Variants in MDGA2 observed in about 807,000 individuals in gnomAD.
MDGA2 encodes the protein MAM domain containing glycosylphosphatidylinositol anchor 2.
In MDGA2, 40 loss-of-function variants were observed where a neutral mutation model predicts 117.8. The ratio of observed to expected loss-of-function variants is 0.34; its 90% CI spans 0.26 to 0.44. The LOEUF (loss-of-function observed/expected upper bound fraction) is 0.44. MDGA2 is among the 20% of genes least tolerant of loss of function. MDGA2 has a pLI of 1.00. For synonymous variants in MDGA2, 452 were observed against 439.0 expected (o/e 1.03, Z -0.37); for missense variants, 1,123 against 1,250.6 (o/e 0.90, Z 1.54).
At chr14:47,059,035 T>C (rs1889784429) in intron 7 of MDGA2, 11 of 1,004,426 alleles carry the variant, frequency 1.1e-5, no homozygotes, top group Non-Finnish European at 1.3e-5. Context: ...TATAAATTTG[T>C]CTATCAAATA....
chr14:47,604,493 C>A (rs530459634), intron 1 of MDGA2, among the ~76,000 whole-genome samples: 2 of 130,836 alleles, frequency 1.5e-5, no homozygotes, highest in South Asian at 5.9e-4. Flanking sequence ...CCCCACCCCC[C>A]CCCACCCTCA....
intron 1 of MDGA2, among the ~76,000 whole-genome samples, chr14:47,418,333 G>A (rs925725246): frequency 2.6e-5 from 4 of 151,720 alleles, no homozygotes; most frequent in South Asian, 2.1e-4. Flanking sequence ...TGATCTGCCC[G>A]CCTTGGCCTC....
intron 1 of MDGA2, among the ~76,000 whole-genome samples, chr14:47,515,281 A>G (rs1894727488): frequency 6.6e-6 from 1 of 152,194 alleles, no homozygotes; most frequent in East Asian, 1.9e-4. Flanking sequence ...CCCTGGCAAC[A>G]TCACAGTAAT....
chr14:47,558,350 GT>G (rs1190019696), intron 1 of MDGA2, among the ~76,000 whole-genome samples: 1 of 152,148 alleles, frequency 6.6e-6, no homozygotes, highest in African/African-American at 2.4e-5. Context: ...TATAATGCTA[GT>G]TTTGATTTTA....
At chr14:47,654,477 G>T (rs1326891376) in intron 1 of MDGA2, among the ~76,000 whole-genome samples, 1 of 152,068 alleles carries the variant, frequency 6.6e-6, no homozygotes, top group Non-Finnish European at 1.5e-5. Context: ...ACAACTGGCT[G>T]AAGTGCTAAC....
chr14:46,895,850 C>G (rs1187332938), intron 10 of MDGA2, among the ~76,000 whole-genome samples: 1 of 152,068 alleles, frequency 6.6e-6, no homozygotes. Flanking sequence ...TCTGCAATGC[C>G]GCCTGTCCCT....
At chr14:46,906,972 C>CTTTTTT (rs372756942) in intron 10 of MDGA2, among the ~76,000 whole-genome samples, 349 of 99,518 alleles carry the variant, frequency 3.5e-3, no homozygotes, top group Non-Finnish European at 5.3e-3. Context: ...TTACCTTTTT[C>CTTTTTT]TTTTTTTTTT....
intron 1 of MDGA2, among the ~76,000 whole-genome samples, chr14:47,557,542 C>T (rs920468977): frequency 6.6e-6 from 1 of 152,148 alleles, no homozygotes; most frequent in African/African-American, 2.4e-5. Context: ...AGATTTCCAA[C>T]ATCTGGTAGG....
intron 9 of MDGA2, among the ~76,000 whole-genome samples, chr14:46,945,866 T>A (rs1041114825): frequency 1.3e-5 from 2 of 152,000 alleles, no homozygotes. Context: ...GCTGGCTCCA[T>A]TAGTATTTTC....
At chr14:47,253,016 T>A (rs772071002) in intron 2 of MDGA2, among the ~76,000 whole-genome samples, 4 of 152,122 alleles carry the variant, frequency 2.6e-5, no homozygotes, top group Admixed American at 6.5e-5. Context: ...TTATAAAGCA[T>A]CAGATCTCAA....
At chr14:47,596,981 A>G (rs946736980) in intron 1 of MDGA2, among the ~76,000 whole-genome samples, 2 of 152,166 alleles carry the variant, frequency 1.3e-5, no homozygotes, top group Non-Finnish European at 2.9e-5. Context: ...CAGTAGCTAA[A>G]TAAAATCAAG....
intron 2 of MDGA2, among the ~76,000 whole-genome samples, chr14:47,226,398 G>GTT (rs1302022829): frequency 2.0e-5 from 3 of 152,072 alleles, no homozygotes; most frequent in African/African-American, 7.2e-5. Flanking sequence ...TAATATTTCT[G>GTT]AACACTAGAT....
At chr14:46,864,928 C>T (rs1881685308) in intron 14 of MDGA2, among the ~76,000 whole-genome samples, 1 of 151,970 alleles carries the variant, frequency 6.6e-6, no homozygotes, top group Non-Finnish European at 1.5e-5. Flanking sequence ...ATTTATTCCA[C>T]TGAGATTCTC....
chr14:47,190,377 A>G, intron 3 of MDGA2, among the ~76,000 whole-genome samples: 1 of 152,224 alleles, frequency 6.6e-6, no homozygotes, highest in East Asian at 1.9e-4. Context: ...CTGAAATATT[A>G]GAAAGTCAGG....
chr14:47,250,331 G>C (rs1887403513), intron 2 of MDGA2, among the ~76,000 whole-genome samples: 1 of 152,068 alleles, frequency 6.6e-6, no homozygotes, highest in African/African-American at 2.4e-5. Flanking sequence ...GTGAATTCTG[G>C]ATTATGCTGT....
chr14:47,235,084 T>C (rs1886815480), intron 2 of MDGA2, among the ~76,000 whole-genome samples: 1 of 152,170 alleles, frequency 6.6e-6, no homozygotes, highest in East Asian at 1.9e-4. Flanking sequence ...TCACTTACAA[T>C]ATTGTCTTCC....
At position 47,158,674 on chromosome 14, in the gene MDGA2, C is replaced by T. The variant is rs192502731; in HGVS notation, c.596-14400G>A. 2.0e-5 allele frequency among the ~76,000 whole-genome samples: 3 copies of T among 152,232 alleles called. No homozygotes were observed. In the East Asian group the frequency reaches 5.8e-4, roughly 29 times the overall value. On this transcript the variant is annotated intron_variant, in intron 3 of 16. Transcript: ENST00000399232. ...TTCACCATGTTGGCCAGGCTGGTCT[C>T]AAACTCCTCACCTCAGGTGATCAGC...
At chr14:47,079,246 A>G (rs897990852) in intron 6 of MDGA2, among the ~76,000 whole-genome samples, 1 of 152,190 alleles carries the variant, frequency 6.6e-6, no homozygotes. Context: ...ATAATTTCTC[A>G]TTAATAGATT....
intron 11 of MDGA2, 66 bp downstream of exon 11, chr14:46,881,978 C>T (rs1365341920): frequency 4.9e-5 from 57 of 1,159,862 alleles, no homozygotes; most frequent in Non-Finnish European, 6.5e-5. Flanking sequence ...TGGTAGATAG[C>T]AGCAACCAAA....
Sources: gnomAD v4.1 joint callset for allele counts (sites outside exome capture counted in the v4.1 genomes callset) on GRCh38, gnomAD v4.1.1 for gene constraint, MANE v1.5 for transcripts, NCBI Gene and HGNC (gene_info 2026-07-23, HGNC 2026-07-21) for gene names.